Variants in LYZL4 observed in about 807,000 individuals in gnomAD.
The protein encoded by LYZL4 is lysozyme-like protein 4.
LYZL4 carries 13 observed loss-of-function variants against 17.6 expected under a neutral mutation model. The observed-to-expected ratio is 0.74, with a 90% CI of 0.48 to 1.18. The LOEUF (loss-of-function observed/expected upper bound fraction) is 1.18, where lower values mean the gene tolerates loss of function less well. LYZL4 is among the 50% of genes most tolerant of loss of function. The pLI, the probability that LYZL4 is intolerant of heterozygous loss-of-function variation, is 0.00. For missense variants in LYZL4, 174 were observed against 188.2 expected, an observed-to-expected ratio of 0.92 and a Z score of 0.44; for synonymous variants, 64 against 67.7, an observed-to-expected ratio of 0.95 and a Z score of 0.27.
intron 1 of LYZL4, among the ~76,000 whole-genome samples, chr3:42,408,295 A>T (rs940857532): frequency 6.6e-6 from 1 of 152,108 alleles, no homozygotes; most frequent in Admixed American, 6.5e-5. Flanking sequence ...TCCACCCTTT[A>T]TCAGGACGAA....
the LYZL4 span, among the ~76,000 whole-genome samples, chr3:42,367,336 AAATGTTC>A: frequency 6.6e-6 from 1 of 152,234 alleles, no homozygotes; most frequent in African/African-American, 2.4e-5. Flanking sequence ...TCCAAGAAGC[AAATGTTC>A]AAGTCAACAA....
At chr3:42,393,844 C>T (rs372613147), downstream of LYZL4, among the ~76,000 whole-genome samples, 105 of 152,206 alleles carry the variant, frequency 6.9e-4, no homozygotes, top group East Asian at 0.018. Context: ...CAGGCTGGAG[C>T]GCAGTGGCGT....
chr3:42,388,762 C>T, the LYZL4 span, among the ~76,000 whole-genome samples: 1 of 152,206 alleles, frequency 6.6e-6, no homozygotes, highest in African/African-American at 2.4e-5. Context: ...ACAATCAGTC[C>T]TGCTGAGGCT....
the LYZL4 span, among the ~76,000 whole-genome samples, chr3:42,369,233 A>G: frequency 2.1e-5 from 3 of 139,920 alleles, no homozygotes; most frequent in African/African-American, 3.3e-5. Context: ...CTTTTTTCCT[A>G]TTTTGAAAAA....
the LYZL4 span, among the ~76,000 whole-genome samples, chr3:42,368,647 A>G: frequency 6.6e-6 from 1 of 152,144 alleles, no homozygotes. Context: ...TTTTGTAAAT[A>G]AGGGCACCGT....
chr3:42,361,569 AT>A, the LYZL4 span, among the ~76,000 whole-genome samples: 19,086 of 147,594 alleles, frequency 0.13, 2,904 homozygotes, highest in African/African-American at 0.37. Flanking sequence ...TCTTAAAAAA[AT>A]TTTTTTTTTT....
intron 3 of LYZL4, among the ~76,000 whole-genome samples, chr3:42,405,589 A>C (rs1698734789): frequency 6.6e-6 from 1 of 152,180 alleles, no homozygotes; most frequent in Non-Finnish European, 1.5e-5. Flanking sequence ...CCAGCTCAGA[A>C]GCCACAGGCT....
downstream of LYZL4, among the ~76,000 whole-genome samples, chr3:42,395,955 G>C (rs62247328): frequency 6.6e-6 from 1 of 151,996 alleles, no homozygotes; most frequent in Non-Finnish European, 1.5e-5. Context: ...CCAGCTACTC[G>C]GGAGGCTGAG....
chr3:42,364,509 A>AT, the LYZL4 span, among the ~76,000 whole-genome samples: 1 of 150,278 alleles, frequency 6.7e-6, no homozygotes, highest in East Asian at 2.0e-4. Flanking sequence ...CGCCCAGCTA[A>AT]TTTTTTTGTA....
At chr3:42,372,054 T>C in the LYZL4 span, among the ~76,000 whole-genome samples, 2 of 152,212 alleles carry the variant, frequency 1.3e-5, no homozygotes, top group African/African-American at 4.8e-5. Flanking sequence ...CTCAGCACAA[T>C]TGGTTCCTGA....
the LYZL4 span, among the ~76,000 whole-genome samples, chr3:42,391,320 T>C: frequency 3.0e-3 from 452 of 152,240 alleles, 3 homozygotes; most frequent in African/African-American, 0.01. Flanking sequence ...TTTGAAACTA[T>C]AGGAGTAGAT....
At chr3:42,363,836 A>T in the LYZL4 span, among the ~76,000 whole-genome samples, 5 of 152,234 alleles carry the variant, frequency 3.3e-5, no homozygotes, top group Non-Finnish European at 4.4e-5. Context: ...AAGCATTCGT[A>T]TGGTGCCATA....
chr3:42,391,495 G>C, the LYZL4 span, among the ~76,000 whole-genome samples: 7 of 152,160 alleles, frequency 4.6e-5, no homozygotes, highest in African/African-American at 1.7e-4. Flanking sequence ...TTCAAGGAGG[G>C]AATGATCAAT....
At chr3:42,366,609 C>T in the LYZL4 span, among the ~76,000 whole-genome samples, 1 of 152,222 alleles carries the variant, frequency 6.6e-6, no homozygotes, top group Non-Finnish European at 1.5e-5. Context: ...CGATCCCCTC[C>T]TTTCTCTGTC....
the LYZL4 span, among the ~76,000 whole-genome samples, chr3:42,370,238 T>C: frequency 0.072 from 10,995 of 151,946 alleles, 1,326 homozygotes; most frequent in African/African-American, 0.25. Context: ...TATTTAGTAG[T>C]TACAGCATTT....
At chr3:42,363,795 TA>T in the LYZL4 span, among the ~76,000 whole-genome samples, 18 of 152,222 alleles carry the variant, frequency 1.2e-4, no homozygotes, top group Non-Finnish European at 2.4e-4. Context: ...TATTTATTAT[TA>T]CAATCATCAG....
chr3:42,405,269 C>T (rs562282914), intron 3 of LYZL4, among the ~76,000 whole-genome samples: 2 of 152,284 alleles, frequency 1.3e-5, no homozygotes, highest in South Asian at 4.1e-4. Flanking sequence ...AGGATGGTCC[C>T]GATCTCCTGA....
the LYZL4 span, among the ~76,000 whole-genome samples, chr3:42,380,988 T>A: frequency 6.6e-6 from 1 of 152,236 alleles, no homozygotes; most frequent in Middle Eastern, 3.2e-3. Flanking sequence ...TTCCTATGCT[T>A]CTGCCTTGAG....
the LYZL4 span, among the ~76,000 whole-genome samples, chr3:42,367,800 CTTTAA>C: frequency 6.6e-6 from 1 of 152,132 alleles, no homozygotes; most frequent in Admixed American, 6.5e-5. Flanking sequence ...TGCTATCTTT[CTTTAA>C]TTTAAACATT....
Sources: allele counts gnomAD v4.1 joint callset (sites outside exome capture counted in the v4.1 genomes callset), GRCh38; gene constraint gnomAD v4.1.1; transcripts MANE v1.5; gene names NCBI Gene and HGNC (gene_info 2026-07-23, HGNC 2026-07-21).